The following EZR variants were observed in gnomAD, a reference collection of about 807,000 sequenced individuals.
EZR encodes cytovillin 2.
Under a neutral mutation model 74.8 loss-of-function variants are expected in EZR, and 40 were observed. The observed-to-expected ratio is 0.53, with a 90% CI of 0.42 to 0.70. The LOEUF (loss-of-function observed/expected upper bound fraction) is 0.70. Among genes scored for constraint, EZR ranks in the 30% least tolerant of loss-of-function variants. EZR has a pLI of 0.00. For missense variants in EZR, 678 were observed against 755.8 expected, an observed-to-expected ratio of 0.90 and a Z score of 1.21; for synonymous variants, 341 against 283.3, an observed-to-expected ratio of 1.20 and a Z score of -2.05.
chr6:158,813,949 C>G (rs1371504695), intron 2 of EZR, among the ~76,000 whole-genome samples: 1 of 152,188 alleles, frequency 6.6e-6, no homozygotes, highest in Non-Finnish European at 1.5e-5. Flanking sequence ...CCCATGCCTT[C>G]TTTCCACTGG....
At chr6:158,775,337 G>A (rs747747052) in intron 8 of EZR, among the ~76,000 whole-genome samples, 57 of 152,166 alleles carry the variant, frequency 3.7e-4, no homozygotes, top group South Asian at 1.7e-3. Context: ...TGGCCAAGAC[G>A]TTTTTAACAA....
At chr6:158,818,490 G>T (rs1447121201) in intron 1 of EZR, among the ~76,000 whole-genome samples, 4 of 151,242 alleles carry the variant, frequency 2.6e-5, no homozygotes, top group Non-Finnish European at 5.9e-5. Context: ...GAAGGGGCTG[G>T]TGGGGGGCGC....
At chr6:158,810,718 G>C (rs1189507732) in intron 2 of EZR, among the ~76,000 whole-genome samples, 2 of 151,990 alleles carry the variant, frequency 1.3e-5, no homozygotes, top group Admixed American at 1.3e-4. Flanking sequence ...AACTTTACCC[G>C]TTTATAGGAA....
chr6:158,783,664 T>A lies in EZR; in HGVS notation c.554A>T (p.Asp185Val). The A allele has an allele frequency of 6.2e-7, 1 of 1,613,554 alleles. No homozygotes were observed. Among genetic ancestry groups the A allele is most frequent in the Non-Finnish European group, 8.5e-7 (1 of 1,179,746 alleles). Residue 185 changes from aspartate to valine, a missense_variant and splice_region_variant, in exon 7 of 14, where the codon GAT (aspartate) becomes GTT (valine). Asp to Val is a radical substitution (Grantham distance 152, BLOSUM62 -3). Around this residue, in one of 3 missense-constraint regions of EZR, gnomAD observed 217 missense variants for 232.2 expected, o/e 0.93. Transcript: ENST00000367075. ...CTTCAGGTATTCCAACATAGCATTA[T>A]CTCTAATTGGGGAGAGTGAAACAGG... is the stretch of plus-strand genomic sequence containing the variant. Reference protein sequence around the residue: ...WHAEHRGMLKDNAMLEYLKIA... With the variant: ...WHAEHRGMLKVNAMLEYLKIA...
intron 2 of EZR, among the ~76,000 whole-genome samples, chr6:158,804,013 T>C (rs1045944148): frequency 1.6e-4 from 25 of 152,268 alleles, no homozygotes; most frequent in African/African-American, 5.3e-4. Flanking sequence ...AAGGAGCTGC[T>C]TTCCATAGGT....
intron 2 of EZR, 120 bp from the exon 3 acceptor site, chr6:158,789,491 C>G (rs747889547): frequency 2.2e-6 from 2 of 899,018 alleles, no homozygotes; most frequent in African/African-American, 3.3e-5. Flanking sequence ...GACATCAGTT[C>G]CTGTGCTAGT....
intron 2 of EZR, among the ~76,000 whole-genome samples, chr6:158,806,078 C>A (rs1777333520): frequency 6.6e-6 from 1 of 152,238 alleles, no homozygotes; most frequent in Non-Finnish European, 1.5e-5. Context: ...GTGGAAAAAA[C>A]TGGGAACAAA....
At chr6:158,794,343 G>T (rs983208) in intron 2 of EZR, among the ~76,000 whole-genome samples, 1,715 of 152,170 alleles carry the variant, frequency 0.011, 10 homozygotes, top group Non-Finnish European at 0.016. Flanking sequence ...CCAGGCTTTG[G>T]CAATTGAGAA....
chr6:158,807,987 G>T (rs1051418272), intron 2 of EZR, among the ~76,000 whole-genome samples: 44 of 152,202 alleles, frequency 2.9e-4, no homozygotes, highest in Admixed American at 4.6e-4. Context: ...CCAAGCAGGT[G>T]ATAATCCTTT....
At chr6:158,807,273 C>T (rs1047676860) in intron 2 of EZR, among the ~76,000 whole-genome samples, 17 of 151,206 alleles carry the variant, frequency 1.1e-4, no homozygotes, top group African/African-American at 3.9e-4. Flanking sequence ...CCAGATCACA[C>T]CACTGCACTC....
At position 158,775,461 on chromosome 6, in the gene EZR, G is replaced by A. The variant is rs1791249602; in HGVS notation, c.795+947C>T. ...ATAACACCACATACTGTTCTAAGTG[G>A]ATTTACCATTGCTAAGCAGTACCCA... On this transcript the variant is annotated intron_variant, in intron 8 of 13. Coordinates refer to ENST00000367075, the MANE Select transcript of EZR (RefSeq NM_001111077.2). Among the ~76,000 whole-genome samples the A allele has an allele frequency of 2.0e-5, 3 of 152,316 alleles. No homozygotes were observed. The South Asian group carries it at 6.2e-4, about 32-fold the overall frequency.
At chr6:158,771,855 C>G (rs1791121469) in intron 8 of EZR, among the ~76,000 whole-genome samples, 3 of 152,230 alleles carry the variant, frequency 2.0e-5, no homozygotes, top group Non-Finnish European at 1.5e-5. Flanking sequence ...TGCTGCTCCC[C>G]ATCCCCGATG....
chr6:158,798,829 A>G (rs1197645485), intron 2 of EZR, among the ~76,000 whole-genome samples: 1 of 151,836 alleles, frequency 6.6e-6, no homozygotes, highest in Non-Finnish European at 1.5e-5. Flanking sequence ...GAGTTTCACC[A>G]TGTTGCCCAG....
rs889376884 is a variant in EZR at position 158,765,930 on chromosome 6, C to T, written c.*984G>A. 6.7e-6 allele frequency: 1 copy of T among 150,034 alleles called. No individual in the cohort carries two copies. The highest frequency in any genetic ancestry group is 1.5e-5 in the Non-Finnish European group (1 of 66,312). 9.3% of individuals were successfully genotyped at this position (150,034 alleles called of 1,614,324 possible). A position where few individuals can be genotyped will look rare whatever the true frequency, so the allele number is the denominator to read the frequency against. On this transcript the variant is annotated 3_prime_UTR_variant, in exon 14 of 14. Coordinates refer to ENST00000367075, the MANE Select transcript of EZR (RefSeq NM_001111077.2). The stretch of plus-strand genomic sequence containing the variant: ...GAGAGAGACTGCAAACAAACAAACA[C>T]AAGCAAACAGAGTCTCTTCACAGCT...
At chr6:158,767,131 C>A in intron 13 of EZR, 53 bp from the exon 14 acceptor site, 1 of 1,603,490 alleles carries the variant, frequency 6.2e-7, no homozygotes, top group Non-Finnish European at 8.5e-7. Flanking sequence ...ATGGCCCGGC[C>A]CGTCCCCTAG....
chr6:158,778,719 G>A (rs3127206), intron 7 of EZR, among the ~76,000 whole-genome samples: 79,347 of 152,058 alleles, frequency 0.52, 21,672 homozygotes, highest in Non-Finnish European at 0.61. Flanking sequence ...GAGGAGCCAG[G>A]CAGCAAGGAA....
chr6:158,783,387 TA>T, intron 7 of EZR, 132 bp downstream of exon 7: 2 of 286,216 alleles, frequency 7.0e-6, no homozygotes, highest in Non-Finnish European at 1.3e-5. Context: ...AAAAGCCCTT[TA>T]AAAAGTTTCC....
At chr6:158,817,962 C>T in intron 2 of EZR, 120 bp downstream of exon 2, 1 of 929,142 alleles carries the variant, frequency 1.1e-6, no homozygotes, top group Non-Finnish European at 1.6e-6. Context: ...CTATTCCTAT[C>T]GTCTTCTGCG....
intron 2 of EZR, among the ~76,000 whole-genome samples, chr6:158,815,023 G>T (rs547415567): frequency 2.6e-5 from 4 of 152,166 alleles, no homozygotes; most frequent in Non-Finnish European, 5.9e-5. Context: ...CAGGTGGAAG[G>T]CCAACTACTC....
Sources: allele counts gnomAD v4.1 joint callset (sites outside exome capture counted in the v4.1 genomes callset), GRCh38; gene constraint gnomAD v4.1.1; regional missense constraint gnomAD v4.1.1; transcripts MANE v1.5; gene names NCBI Gene and HGNC (gene_info 2026-07-23, HGNC 2026-07-21).